Variants in TRAK2 observed in about 807,000 individuals in gnomAD.
The protein encoded by TRAK2 is trafficking kinesin protein 2.
TRAK2 carries 81 observed loss-of-function variants against 104.6 expected under a neutral mutation model. The ratio of observed to expected loss-of-function variants is 0.77; its 90% CI spans 0.65 to 0.93. The LOEUF is 0.93. Ranked by LOEUF, TRAK2 falls within the 40% of genes least tolerant of loss-of-function variation. The probability of loss-of-function intolerance (pLI) is 0.00; values close to 1 mark genes in which losing one functional copy is unlikely to be tolerated. For synonymous variants in TRAK2, 406 were observed against 394.4 expected (o/e 1.03, Z -0.35); for missense variants, 1,002 against 1,089.0 (o/e 0.92, Z 1.12).
At chr2:201,408,838 A>G (rs563529779) in intron 2 of TRAK2, among the ~76,000 whole-genome samples, 1 of 152,344 alleles carries the variant, frequency 6.6e-6, no homozygotes, top group East Asian at 1.9e-4. Context: ...AAAATCTGGA[A>G]AAATTACATT....
intron 2 of TRAK2, among the ~76,000 whole-genome samples, chr2:201,408,385 A>G (rs917982): frequency 0.43 from 65,309 of 152,128 alleles, 15,314 homozygotes; most frequent in African/African-American, 0.62. Context: ...AGGTAAACTC[A>G]TGTCACGGGG....
rs535856302 is a variant in TRAK2, at chr2:201,412,001, G to A, written c.92-4404C>T. On this transcript the variant is annotated intron_variant, in intron 2 of 15. Coordinates refer to ENST00000332624, the MANE Select transcript of TRAK2 (RefSeq NM_015049.3). ...AACACTGTTCTTTATCTCATTGGGA[G>A]GGGTTTTGGTTAGTAGCAAATCCAT... is the stretch of plus-strand genomic sequence containing the variant. The A allele has an allele frequency of 6.1e-6, 6 of 981,718 alleles. No homozygotes were observed. The African/African-American group carries it at 7.9e-5, about 13-fold the overall frequency. The allele number at this position is 981,718 out of a possible 1,614,324, so 60.8% of individuals were successfully genotyped here.
At chr2:201,431,737 G>T (rs1452709232) in intron 1 of TRAK2, among the ~76,000 whole-genome samples, 1 of 152,134 alleles carries the variant, frequency 6.6e-6, no homozygotes, top group Non-Finnish European at 1.5e-5. Flanking sequence ...TATCTTTGAG[G>T]GCCAGTATTC....
chr2:201,411,381 T>A, intron 2 of TRAK2: 1 of 748,536 alleles, frequency 1.3e-6, no homozygotes, highest in Non-Finnish European at 2.5e-6. Context: ...TGCTCCAATG[T>A]GGCTAAAAAC....
chr2:201,449,286 T>C (rs1951990451), intron 1 of TRAK2, among the ~76,000 whole-genome samples: 1 of 152,196 alleles, frequency 6.6e-6, no homozygotes, highest in Non-Finnish European at 1.5e-5. Context: ...CTATAATTTC[T>C]GAAGTACGTA....
chr2:201,424,057 C>T (rs929324686), intron 1 of TRAK2, among the ~76,000 whole-genome samples: 2 of 152,040 alleles, frequency 1.3e-5, no homozygotes, highest in African/African-American at 4.8e-5. Context: ...AATTCTTTTC[C>T]ACATATCGTA....
chr2:201,396,801 G>C (rs909132357), intron 7 of TRAK2, among the ~76,000 whole-genome samples: 9 of 152,116 alleles, frequency 5.9e-5, no homozygotes, highest in African/African-American at 9.7e-5. Context: ...TCATATCCTG[G>C]GAAGTATGGA....
rs779848406 is a variant in TRAK2 at position 201,387,678 on chromosome 2, G to T, written c.1696+25C>A. On this transcript the variant is annotated intron_variant, in intron 13 of 15. Transcript: ENST00000332624. ...AACTTCCAGTAAGTCACATGGCTTA[G>T]TAAGGGCCCTTACTGATTTATTACC... 2.6e-6 allele frequency: 4 copies of T among 1,547,640 alleles called. No homozygotes were observed. The Admixed American group carries it at 8.0e-5, about 31-fold the overall frequency.
chr2:201,412,725 AC>A, intron 2 of TRAK2: 1 of 1,403,266 alleles, frequency 7.1e-7, no homozygotes, highest in Non-Finnish European at 1.0e-6. Flanking sequence ...AACAATCAAA[AC>A]CCATTATTTT....
At chr2:201,443,267 G>A (rs994278988) in intron 1 of TRAK2, among the ~76,000 whole-genome samples, 2 of 152,096 alleles carry the variant, frequency 1.3e-5, no homozygotes, top group Non-Finnish European at 2.9e-5. Flanking sequence ...AACAGTCCCT[G>A]CTAATCAATC....
intron 1 of TRAK2, among the ~76,000 whole-genome samples, chr2:201,428,159 G>A (rs1951807046): frequency 1.3e-5 from 2 of 152,112 alleles, no homozygotes; most frequent in South Asian, 4.1e-4. Context: ...CTGTGCAGAA[G>A]CTGTTTAGTT....
chr2:201,413,485 A>AG (rs1202305442), intron 2 of TRAK2, among the ~76,000 whole-genome samples: 1 of 151,858 alleles, frequency 6.6e-6, no homozygotes, highest in Non-Finnish European at 1.5e-5. Context: ...AGACTAAGGG[A>AG]GGGGGGAAAA....
In TRAK2 at chr2:201,389,522, T is replaced by C. The variant is rs1160938752; in HGVS notation, c.1194-19A>G. The stretch of plus-strand genomic sequence containing the variant: ...TTGGGCTCTGTCAAAAAAGGAAGTG[T>C]TCGTTATTATCACTGCTAGCCACTA... On this transcript the variant is annotated intron_variant, in intron 11 of 15. Coordinates refer to ENST00000332624, the MANE Select transcript of TRAK2 (RefSeq NM_015049.3). 2.5e-6 allele frequency: 4 copies of C among 1,610,584 alleles called. No individual in the cohort carries two copies. Among genetic ancestry groups the C allele is most frequent in the African/African-American group, 1.3e-5 (1 of 74,742 alleles).
chr2:201,418,672 A>AT (rs941109336), intron 2 of TRAK2, among the ~76,000 whole-genome samples: 6 of 152,218 alleles, frequency 3.9e-5, no homozygotes, highest in Non-Finnish European at 5.9e-5. Context: ...TAAAGAGACC[A>AT]TTTTTAACAA....
chr2:201,416,281 C>T (rs2125652986), intron 2 of TRAK2, among the ~76,000 whole-genome samples: 1 of 150,802 alleles, frequency 6.6e-6, no homozygotes. Flanking sequence ...TTGCACATGC[C>T]TGTGGTCCAA....
intron 1 of TRAK2, among the ~76,000 whole-genome samples, chr2:201,431,025 G>A (rs569246117): frequency 2.0e-4 from 30 of 152,252 alleles, no homozygotes; most frequent in African/African-American, 5.3e-4. Flanking sequence ...TGACTACCAC[G>A]TTTAAGTATG....
At chr2:201,425,483 C>T (rs949000796) in intron 1 of TRAK2, among the ~76,000 whole-genome samples, 5 of 152,058 alleles carry the variant, frequency 3.3e-5, no homozygotes, top group African/African-American at 1.2e-4. Flanking sequence ...CTCACTGCAA[C>T]CTCTGCCCCC....
chr2:201,399,497 T>C lies in TRAK2; in HGVS notation c.364-4A>G, dbSNP rs773876753. 1.2e-6 allele frequency: 2 copies of C among 1,606,900 alleles called. No individual in the cohort carries two copies. Among genetic ancestry groups the C allele is most frequent in the South Asian group, 2.2e-5 (2 of 90,632 alleles). On this transcript the variant is annotated splice_region_variant and splice_polypyrimidine_tract_variant and intron_variant, in intron 4 of 15. Coordinates refer to ENST00000332624, the MANE Select transcript of TRAK2 (RefSeq NM_015049.3). ...CGAGTTCCAGATCACGATCCCTCTG[T>C]TAAAATACCAAATACACCTTTTCTT...
chr2:201,412,373 C>T, intron 2 of TRAK2: 2 of 1,339,152 alleles, frequency 1.5e-6, no homozygotes, highest in South Asian at 2.3e-5. Context: ...TCTGGTCTTA[C>T]AGTTGGAGTT....
Sources: gnomAD v4.1 joint callset for allele counts (sites outside exome capture counted in the v4.1 genomes callset) on GRCh38, gnomAD v4.1.1 for gene constraint, MANE v1.5 for transcripts, NCBI Gene and HGNC (gene_info 2026-07-23, HGNC 2026-07-21) for gene names.